The following PIGN variants were observed in gnomAD, a reference collection of about 807,000 sequenced individuals.
PIGN encodes the protein phosphatidylinositol glycan anchor biosynthesis class N.
PIGN carries 117 observed loss-of-function variants against 125.4 expected under a neutral mutation model. The ratio of observed to expected loss-of-function variants is 0.93; its 90% confidence interval spans 0.80 to 1.09. The LOEUF is 1.09. Among genes scored for constraint, PIGN ranks in the 50% least tolerant of loss-of-function variants. The pLI is 0.00. For missense variants in PIGN, 1,075 were observed against 1,094.9 expected, an observed-to-expected ratio of 0.98 and a Z score of 0.26; for synonymous variants, 392 against 377.8, an observed-to-expected ratio of 1.04 and a Z score of -0.44.
In PIGN at chr18:62,159,448, A is replaced by C. The variant is rs191962644; in HGVS notation, c.222-1640T>G. Among the ~76,000 whole-genome samples the C allele has an allele frequency of 5.2e-3, 790 of 152,284 alleles. 5 individuals are homozygous for C. The highest frequency in any genetic ancestry group is 9.2e-3 in the Non-Finnish European group (623 of 68,028). On this transcript the variant is annotated intron_variant, in intron 4 of 30. Coordinates refer to ENST00000640252, the MANE Select transcript of PIGN (RefSeq NM_176787.5). Reference sequence around the variant, plus strand: ...TTTACCAGTATATTTTTATCCTCTTAATTTTGAAATGAAGTATATTTCTCT... The same window carrying C: ...TTTACCAGTATATTTTTATCCTCTTCATTTTGAAATGAAGTATATTTCTCT...
At chr18:62,151,485 G>A (rs2036534401) in intron 7 of PIGN, among the ~76,000 whole-genome samples, 1 of 152,158 alleles carries the variant, frequency 6.6e-6, no homozygotes, top group African/African-American at 2.4e-5. Context: ...GCCTCGGATA[G>A]GTATGTGTAC....
intron 14 of PIGN, among the ~76,000 whole-genome samples, chr18:62,122,497 T>C (rs1049238199): frequency 6.6e-6 from 1 of 152,112 alleles, no homozygotes; most frequent in African/African-American, 2.4e-5. Flanking sequence ...TGCTTCTAGG[T>C]TGATAGCACA....
chr18:62,139,087 A>C lies in PIGN; in HGVS notation c.1024-12T>G. 1.3e-6 allele frequency: 2 copies of C among 1,519,792 alleles called. No individual in the cohort carries two copies. The highest frequency in any genetic ancestry group is 1.8e-6 in the Non-Finnish European group (2 of 1,102,018). The allele number at this position is 1,519,792 out of a possible 1,614,324, so 94.1% of individuals were successfully genotyped here. On this transcript the variant is annotated splice_polypyrimidine_tract_variant and intron_variant, in intron 12 of 30. Coordinates refer to ENST00000640252, the MANE Select transcript of PIGN (RefSeq NM_176787.5). ...ACAGGAAGGATTCCCTGAAAATAAC[A>C]AACACCAGCTTATTGATAGTATTCA...
intron 24 of PIGN, among the ~76,000 whole-genome samples, chr18:62,089,086 T>C (rs1161535507): frequency 1.3e-5 from 2 of 152,174 alleles, no homozygotes; most frequent in Non-Finnish European, 2.9e-5. Context: ...TTGCTATATG[T>C]GTAATAAAAG....
intron 14 of PIGN, among the ~76,000 whole-genome samples, chr18:62,118,981 A>G (rs986150453): frequency 2.0e-5 from 3 of 152,098 alleles, no homozygotes; most frequent in African/African-American, 7.2e-5. Context: ...AAGTTTTGGT[A>G]GTCTCAAGAT....
chr18:62,074,899 T>C lies in PIGN; in HGVS notation c.2577-78A>G, dbSNP rs2033094200. On this transcript the variant is annotated intron_variant, in intron 28 of 30. Coordinates refer to ENST00000640252, the MANE Select transcript of PIGN (RefSeq NM_176787.5). ...AAGCTCATTAAAATCCAAGTGAGACTAGGCAAATAACCTAGTATTGTTGGT... is the reference window on the plus strand; with the variant it reads ...AAGCTCATTAAAATCCAAGTGAGACCAGGCAAATAACCTAGTATTGTTGGT... 1.1e-5 allele frequency: 10 copies of C among 942,386 alleles called. No homozygotes were observed. In the South Asian group the frequency reaches 1.3e-4, roughly 12 times the overall value. 58.4% of individuals were successfully genotyped at this position (942,386 alleles called of 1,614,324 possible).
At chr18:62,132,689 T>A (rs1374112466) in intron 14 of PIGN, among the ~76,000 whole-genome samples, 1 of 151,958 alleles carries the variant, frequency 6.6e-6, no homozygotes. Flanking sequence ...TAAAAAAAAA[T>A]GATAAAATAA....
intron 4 of PIGN, among the ~76,000 whole-genome samples, chr18:62,160,879 TAGCTTAAGC>T (rs1315646935): frequency 1.3e-5 from 2 of 152,200 alleles, no homozygotes; most frequent in Non-Finnish European, 2.9e-5. Flanking sequence ...TAGGACAATT[TAGCTTAAGC>T]AGCTAAGCCT....
intron 30 of PIGN, chr18:62,059,186 A>AC (rs2031953409): frequency 6.6e-6 from 1 of 150,976 alleles, no homozygotes; most frequent in Non-Finnish European, 1.5e-5. Flanking sequence ...AAAAAAAAAA[A>AC]AAAAAAAAAA....
At position 62,088,812 on chromosome 18, in the gene PIGN, C is replaced by A; in HGVS notation, c.2314G>T (p.Asp772Tyr). 1 of 1,557,678 alleles carries A rather than the reference C, an allele frequency of 6.4e-7. No individual in the cohort carries two copies. Among genetic ancestry groups the A allele is most frequent in the Non-Finnish European group, 8.7e-7 (1 of 1,146,990 alleles). ...LTSIQFSYNT[D>Y]ITQFRQLYLD... ...TATAGCTGTCGAAACTGAGTTATAT[C>A]AGTATTATAAGAGAACTGGATACTG... is the stretch of plus-strand genomic sequence containing the variant. The change falls in exon 25 of 31, where the codon GAT becomes TAT. Residue 772 changes from aspartate (D) to tyrosine (Y), a missense_variant. Physicochemically the swap from Asp to Tyr is radical, Grantham distance 160. Transcript: ENST00000640252.
chr18:62,034,300 A>G (rs1327603008), intron 23 of PIGN, among the ~76,000 whole-genome samples: 1 of 151,436 alleles, frequency 6.6e-6, no homozygotes, highest in Non-Finnish European at 1.5e-5. Context: ...CTGTCCTTGA[A>G]CTCCTGGACT....
chr18:62,162,411 A>G (rs909362780), intron 2 of PIGN, 82 bp from the exon 3 acceptor site: 29 of 152,242 alleles, frequency 1.9e-4, no homozygotes, highest in African/African-American at 6.3e-4. Context: ...TAGTGATCCT[A>G]GGCTGAAAAA....
intron 7 of PIGN, among the ~76,000 whole-genome samples, chr18:62,152,843 G>A (rs548307643): frequency 3.1e-4 from 45 of 147,212 alleles, no homozygotes; most frequent in Admixed American, 4.8e-4. Flanking sequence ...AGTAAATTCT[G>A]TATTTTGCAT....
chr18:62,079,845 GAAGT>G (rs1340067522), intron 28 of PIGN, among the ~76,000 whole-genome samples: 2 of 151,556 alleles, frequency 1.3e-5, no homozygotes, highest in Non-Finnish European at 2.9e-5. Context: ...GAAATACTTA[GAAGT>G]AATTTACTTC....
At chr18:62,128,872 T>G (rs2035629810) in intron 14 of PIGN, among the ~76,000 whole-genome samples, 1 of 152,188 alleles carries the variant, frequency 6.6e-6, no homozygotes, top group Non-Finnish European at 1.5e-5. Flanking sequence ...ACTATTAAGT[T>G]TCTTCTATTT....
rs538248787 is a variant in PIGN at position 62,079,572 on chromosome 18, C to T, written c.2576+3101G>A. Reference sequence around the variant, plus strand: ...AAAATTAGACCTGGTAGAAACAACACCAAATAACATTGTAGAAGGCTAAAA... The same window carrying T: ...AAAATTAGACCTGGTAGAAACAACATCAAATAACATTGTAGAAGGCTAAAA... On this transcript the variant is annotated intron_variant, in intron 28 of 30. Coordinates refer to ENST00000640252, the MANE Select transcript of PIGN (RefSeq NM_176787.5). Among the ~76,000 whole-genome samples the T allele has an allele frequency of 9.1e-4, 138 of 152,036 alleles. 2 individuals are homozygous for T. Among genetic ancestry groups the T allele is most frequent in the Admixed American group, 3.9e-3 (59 of 15,274 alleles).
At chr18:62,120,204 GGGGGAA>G (rs74265165) in intron 14 of PIGN, among the ~76,000 whole-genome samples, 25,595 of 151,946 alleles carry the variant, frequency 0.17, 2,876 homozygotes, top group Middle Eastern at 0.28. Context: ...AAAAGCAGCT[GGGGGAA>G]GGGGAAGGGG....
chr18:62,170,475 G>T (rs955649926), intron 1 of PIGN, among the ~76,000 whole-genome samples: 5 of 152,092 alleles, frequency 3.3e-5, no homozygotes, highest in Non-Finnish European at 7.3e-5. Flanking sequence ...TGTTATGATT[G>T]TAATTGTTTT....
intron 22 of PIGN, among the ~76,000 whole-genome samples, chr18:62,100,502 A>C (rs1364787036): frequency 6.6e-6 from 1 of 152,222 alleles, no homozygotes; most frequent in Non-Finnish European, 1.5e-5. Context: ...TTCTGAACAA[A>C]AAACTTGAGC....
Sources: allele counts gnomAD v4.1 joint callset (sites outside exome capture counted in the v4.1 genomes callset), GRCh38; gene constraint gnomAD v4.1.1; transcripts MANE v1.5; gene names NCBI Gene and HGNC (gene_info 2026-07-23, HGNC 2026-07-21).